Variants in SPIRE1 observed in about 807,000 individuals in gnomAD.
SPIRE1 encodes spire type actin nucleation factor 1.
A neutral mutation model predicts 94.1 loss-of-function variants in SPIRE1; 40 were observed. The observed-to-expected ratio is 0.43, with a 90% CI of 0.33 to 0.55. SPIRE1 has a LOEUF of 0.55. SPIRE1 is among the 20% of genes least tolerant of loss of function. The pLI is 0.06. For synonymous variants in SPIRE1, 376 were observed against 371.7 expected (o/e 1.01, Z -0.13); for missense variants, 838 against 975.2 (o/e 0.86, Z 1.87).
At chr18:12,646,932 TACCA>T (rs766833793) in intron 1 of SPIRE1, among the ~76,000 whole-genome samples, 22 of 151,414 alleles carry the variant, frequency 1.5e-4, no homozygotes, top group Non-Finnish European at 2.9e-4. Flanking sequence ...TAATCTCAGC[TACCA>T]TGGAGGCTGA....
At chr18:12,552,633 A>T (rs12961966) in intron 2 of SPIRE1, among the ~76,000 whole-genome samples, 62,445 of 151,760 alleles carry the variant, frequency 0.41, 14,625 homozygotes, top group East Asian at 0.59. Flanking sequence ...TTATTTGCAT[A>T]AAAAAAGCAC....
At chr18:12,588,895 A>G (rs1224572811) in intron 2 of SPIRE1, among the ~76,000 whole-genome samples, 1 of 152,028 alleles carries the variant, frequency 6.6e-6, no homozygotes, top group Non-Finnish European at 1.5e-5. Flanking sequence ...ATAACTGACA[A>G]CTCTCAAGGT....
chr18:12,488,263 C>A lies in SPIRE1; in HGVS notation c.1190-2263G>T, dbSNP rs540485064. Reference sequence around the variant, plus strand: ...ATTTTTCCTTGTAATTTTTTTGTCACCCCATTTCACAAAGTTGGCCCCTTG... The same window carrying A: ...ATTTTTCCTTGTAATTTTTTTGTCAACCCATTTCACAAAGTTGGCCCCTTG... On this transcript the variant is annotated intron_variant, in intron 8 of 16. Transcript: ENST00000409402. Among the ~76,000 whole-genome samples, 79 of 152,238 alleles carry A rather than the reference C, an allele frequency of 5.2e-4. 1 individual carries two copies. The highest frequency in any genetic ancestry group is 1.9e-3 in the African/African-American group (79 of 41,550).
At chr18:12,609,844 CTT>C (rs1249214508) in intron 2 of SPIRE1, among the ~76,000 whole-genome samples, 1 of 151,792 alleles carries the variant, frequency 6.6e-6, no homozygotes, top group Non-Finnish European at 1.5e-5. Context: ...CTCCCCACCT[CTT>C]GAGAGGCTTC....
At chr18:12,525,247 A>G (rs1246637543) in intron 4 of SPIRE1, among the ~76,000 whole-genome samples, 5 of 133,974 alleles carry the variant, frequency 3.7e-5, no homozygotes, top group Non-Finnish European at 6.2e-5. Flanking sequence ...ACCGTACTCC[A>G]GCCTGGGCGA....
intron 4 of SPIRE1, 27 bp from the exon 5 acceptor site, chr18:12,512,558 A>C: frequency 6.9e-7 from 1 of 1,440,772 alleles, no homozygotes; most frequent in Non-Finnish European, 9.7e-7. Context: ...TACAGGCATA[A>C]ACATTTCATT....
intron 12 of SPIRE1, among the ~76,000 whole-genome samples, chr18:12,462,674 C>T (rs1481742043): frequency 2.6e-5 from 4 of 152,178 alleles, no homozygotes; most frequent in Non-Finnish European, 1.5e-5. Context: ...ATTAATGGAT[C>T]AAAATTCTCC....
At chr18:12,454,572 T>A in intron 12 of SPIRE1, 89 bp from the exon 13 acceptor site, 2 of 1,239,626 alleles carry the variant, frequency 1.6e-6, no homozygotes, top group Non-Finnish European at 2.4e-6. Context: ...CCCTGATTAG[T>A]AGCTTCAGAG....
intron 4 of SPIRE1, among the ~76,000 whole-genome samples, chr18:12,529,300 T>C (rs1287748133): frequency 1.4e-5 from 2 of 146,216 alleles, no homozygotes; most frequent in Non-Finnish European, 3.0e-5. Flanking sequence ...ACCCGGGAGG[T>C]GGAACTTGCA....
chr18:12,527,494 A>G (rs73407510), intron 4 of SPIRE1, among the ~76,000 whole-genome samples: 7,302 of 152,308 alleles, frequency 0.048, 195 homozygotes, highest in South Asian at 0.097. Flanking sequence ...GTCTGGGCTT[A>G]GAGCTGCTGC....
intron 2 of SPIRE1, among the ~76,000 whole-genome samples, chr18:12,585,809 A>T (rs1046849318): frequency 2.0e-5 from 3 of 152,248 alleles, no homozygotes; most frequent in African/African-American, 7.2e-5. Flanking sequence ...ACCCATATAC[A>T]TATATATTTT....
intron 16 of SPIRE1, chr18:12,450,655 C>A: frequency 1.6e-6 from 1 of 616,578 alleles, no homozygotes; most frequent in Non-Finnish European, 2.9e-6. Flanking sequence ...ATAAAGTACA[C>A]TACCACTGGG....
Position 12,657,512 on chromosome 18 carries a change from G to C in SPIRE1, c.337+18C>G. The C allele has an allele frequency of 1.6e-6, 2 of 1,229,616 alleles. No individual in the cohort carries two copies. The highest frequency in any genetic ancestry group is 3.9e-5 in the South Asian group (1 of 25,690). The allele number at this position is 1,229,616 out of a possible 1,614,324, so 76.2% of individuals were successfully genotyped here. On this transcript the variant is annotated intron_variant, in intron 1 of 16. Coordinates refer to ENST00000409402, the MANE Select transcript of SPIRE1 (RefSeq NM_001128626.2). Reference sequence around the variant, plus strand: ...GGTGTTCCAAGAACTACGAGGGAAAGGGGCCCGGCGGCCTCACCCGCAACT... The same window carrying C: ...GGTGTTCCAAGAACTACGAGGGAAACGGGCCCGGCGGCCTCACCCGCAACT...
chr18:12,563,156 C>T (rs892035107), intron 2 of SPIRE1, among the ~76,000 whole-genome samples: 1 of 151,656 alleles, frequency 6.6e-6, no homozygotes, highest in Non-Finnish European at 1.5e-5. Flanking sequence ...CTCCCATTCA[C>T]ACTCACAGAT....
chr18:12,611,840 T>A (rs566415319), intron 2 of SPIRE1, among the ~76,000 whole-genome samples: 3 of 151,510 alleles, frequency 2.0e-5, no homozygotes, highest in Admixed American at 2.0e-4. Context: ...CTTTTCTTTT[T>A]TTTTTTGTAT....
At chr18:12,496,187 C>T (rs1012352331) in intron 6 of SPIRE1, 85 bp from the exon 7 acceptor site, 78 of 885,386 alleles carry the variant, frequency 8.8e-5, no homozygotes, top group Middle Eastern at 4.4e-4. Context: ...CTCAAATATG[C>T]CATAAAATTA....
intron 2 of SPIRE1, among the ~76,000 whole-genome samples, chr18:12,583,603 A>G (rs2036312881): frequency 6.6e-6 from 1 of 151,994 alleles, no homozygotes; most frequent in Non-Finnish European, 1.5e-5. Context: ...TCCGTCTCCA[A>G]AAAAGAAGAA....
At chr18:12,511,878 C>T (rs990223645) in intron 5 of SPIRE1, among the ~76,000 whole-genome samples, 5 of 151,864 alleles carry the variant, frequency 3.3e-5, no homozygotes, top group African/African-American at 1.2e-4. Context: ...GCACATGCCA[C>T]CAGCCCGGCT....
chr18:12,545,840 T>C (rs890057421), intron 3 of SPIRE1, among the ~76,000 whole-genome samples: 1 of 152,168 alleles, frequency 6.6e-6, no homozygotes, highest in Non-Finnish European at 1.5e-5. Flanking sequence ...GAAGATATAA[T>C]GCCCAGTCAA....
Sources: gnomAD v4.1 joint callset for allele counts (sites outside exome capture counted in the v4.1 genomes callset) on GRCh38, gnomAD v4.1.1 for gene constraint, MANE v1.5 for transcripts, NCBI Gene and HGNC (gene_info 2026-07-23, HGNC 2026-07-21) for gene names.